The following PPP6R2 variants were observed in gnomAD, a reference collection of about 807,000 sequenced individuals.
PPP6R2 encodes the protein protein phosphatase 6 regulatory subunit 2.
Under a neutral mutation model 100.2 loss-of-function variants are expected in PPP6R2, and 62 were observed. The ratio of observed to expected loss-of-function variants is 0.62; its 90% confidence interval spans 0.50 to 0.76. The LOEUF is 0.76. Among genes scored for constraint, PPP6R2 ranks in the 30% least tolerant of loss-of-function variants. The pLI is 0.00. For missense variants in PPP6R2, 1,142 were observed against 1,276.3 expected, an observed-to-expected ratio of 0.89 and a Z score of 1.60; for synonymous variants, 525 against 514.7, an observed-to-expected ratio of 1.02 and a Z score of -0.27.
At chr22:50,438,529 G>A in intron 18 of PPP6R2, 70 bp from the exon 19 acceptor site, 1 of 1,555,906 alleles carries the variant, frequency 6.4e-7, no homozygotes, top group Non-Finnish European at 8.8e-7. Context: ...CGAGCCTGGG[G>A]CCGCCACTGA....
rs2060948483 is a variant in PPP6R2, at chr22:50,419,093, G to A, written c.731+114G>A. 8 of 893,436 alleles carry A rather than the reference G, an allele frequency of 9.0e-6. No homozygotes were observed. The South Asian group carries it at 1.1e-4, about 12-fold the overall frequency. The allele number at this position is 893,436 out of a possible 1,614,324, so 55.3% of individuals were successfully genotyped here. On this transcript the variant is annotated intron_variant, in intron 7 of 23. Coordinates refer to ENST00000612753, the MANE Select transcript of PPP6R2 (RefSeq NM_001242898.2). Reference sequence around the variant, plus strand: ...TTGCCACCTCCTCTGATTCACATTCGAATGAACCCCAGGTTCAGAGCCCAT... The same window carrying A: ...TTGCCACCTCCTCTGATTCACATTCAAATGAACCCCAGGTTCAGAGCCCAT...
At chr22:50,441,879 C>T (rs1350488031) in intron 22 of PPP6R2, among the ~76,000 whole-genome samples, 1 of 152,150 alleles carries the variant, frequency 6.6e-6, no homozygotes, top group Non-Finnish European at 1.5e-5. Flanking sequence ...GATGCCAGGG[C>T]CAGGTAAACC....
upstream of PPP6R2, among the ~76,000 whole-genome samples, chr22:50,341,006 G>A (rs1007441781): frequency 1.3e-5 from 2 of 152,136 alleles, no homozygotes; most frequent in Admixed American, 1.3e-4. Flanking sequence ...CACCTCCCGG[G>A]TTCAAGTGAT....
At chr22:50,379,696 A>G (rs886208985) in intron 2 of PPP6R2, among the ~76,000 whole-genome samples, 4 of 152,152 alleles carry the variant, frequency 2.6e-5, no homozygotes, top group Admixed American at 6.6e-5. Context: ...CCTGGGCCAC[A>G]TAGGGAGACC....
intron 2 of PPP6R2, among the ~76,000 whole-genome samples, chr22:50,377,504 G>A (rs1301148027): frequency 6.6e-6 from 1 of 152,022 alleles, no homozygotes; most frequent in East Asian, 1.9e-4. Context: ...ACAGTGAAGT[G>A]AAAATCAGTG....
intron 5 of PPP6R2, 24 bp from the exon 6 acceptor site, chr22:50,416,067 TG>T: frequency 6.2e-7 from 1 of 1,602,458 alleles, no homozygotes. Flanking sequence ...GCAGCGACAC[TG>T]AAAGGCCTCT....
At chr22:50,438,462 G>C (rs2064871428) in intron 18 of PPP6R2, 137 bp from the exon 19 acceptor site, 16 of 1,427,140 alleles carry the variant, frequency 1.1e-5, no homozygotes, top group Non-Finnish European at 1.5e-5. Context: ...GCCCAGAGCT[G>C]AGGCCTGGAG....
the PPP6R2 span, among the ~76,000 whole-genome samples, chr22:50,335,678 A>ATTTTTTTTTTTTTTTTTTT: frequency 7.8e-6 from 1 of 128,940 alleles, no homozygotes; most frequent in Non-Finnish European, 1.6e-5. Context: ...CACCCAACTA[A>ATTTTTTTTTTTTTTTTTTT]TTTTTTTTTT....
chr22:50,435,093 A>C lies in PPP6R2; in HGVS notation c.1516+12A>C, dbSNP rs776167527. ...CGAGGTCATCCGAGGTGAGCCCCCAACCCGGTCATCCTTCTGCTGGTCGCG... is the reference window on the plus strand; with the variant it reads ...CGAGGTCATCCGAGGTGAGCCCCCACCCCGGTCATCCTTCTGCTGGTCGCG... On this transcript the variant is annotated intron_variant, in intron 13 of 23. Transcript: ENST00000612753. The C allele has an allele frequency of 5.3e-6, 8 of 1,519,470 alleles. No individual in the cohort carries two copies. The South Asian group carries it at 1.0e-4, about 19-fold the overall frequency. 94.1% of individuals were successfully genotyped at this position (1,519,470 alleles called of 1,614,324 possible).
intron 2 of PPP6R2, among the ~76,000 whole-genome samples, chr22:50,373,601 G>C (rs565914696): frequency 1.3e-5 from 2 of 151,944 alleles, no homozygotes; most frequent in Non-Finnish European, 2.9e-5. Flanking sequence ...ACCCAGGCTG[G>C]AGTGCAGTGG....
At chr22:50,353,705 A>C (rs1052617691) in intron 1 of PPP6R2, among the ~76,000 whole-genome samples, 5 of 152,116 alleles carry the variant, frequency 3.3e-5, no homozygotes, top group Admixed American at 2.6e-4. Context: ...CACGTTAGAC[A>C]AAGTACGCCT....
At chr22:50,349,160 ACTCTAGCCTGGGCG>A (rs1479819751) in intron 1 of PPP6R2, among the ~76,000 whole-genome samples, 2 of 144,858 alleles carry the variant, frequency 1.4e-5, no homozygotes, top group Non-Finnish European at 3.0e-5. Context: ...GTGCCATTGC[ACTCTAGCCTGGGCG>A]ACAAGAGTGA....
chr22:50,352,330 C>A (rs2045480911), intron 1 of PPP6R2, among the ~76,000 whole-genome samples: 1 of 152,206 alleles, frequency 6.6e-6, no homozygotes, highest in Non-Finnish European at 1.5e-5. Context: ...TCCAGTTTTT[C>A]TTCTGCAGCT....
chr22:50,352,749 AAAAC>A (rs931479733), intron 1 of PPP6R2, among the ~76,000 whole-genome samples: 1 of 151,548 alleles, frequency 6.6e-6, no homozygotes, highest in Non-Finnish European at 1.5e-5. Context: ...ACAAAAAAAA[AAAAC>A]ACACAAAACA....
the PPP6R2 span, among the ~76,000 whole-genome samples, chr22:50,337,358 GGTGTGTGTGTGCTGTGTGGGGGGT>G: frequency 7.5e-6 from 1 of 132,900 alleles, no homozygotes; most frequent in Non-Finnish European, 1.6e-5. Flanking sequence ...GTGGTGTGTG[GGTGTGTGTGTGCTGTGTGGGGGGT>G]GTGTGTGTGT....
chr22:50,332,326 C>A, the PPP6R2 span, among the ~76,000 whole-genome samples: 1 of 150,744 alleles, frequency 6.6e-6, no homozygotes, highest in African/African-American at 2.4e-5. Context: ...CTCCCAGGTT[C>A]ACCCCCCCAT....
intron 1 of PPP6R2, among the ~76,000 whole-genome samples, chr22:50,370,608 A>T (rs1421188493): frequency 6.6e-6 from 1 of 151,178 alleles, no homozygotes; most frequent in African/African-American, 2.4e-5. Flanking sequence ...TAAAGAAAAA[A>T]GTTTAAAAGT....
At position 50,393,566 on chromosome 22, in the gene PPP6R2, G is replaced by A. The variant is rs1020354212; in HGVS notation, c.-16-327G>A. 9.2e-6 allele frequency: 9 copies of A among 981,588 alleles called. No homozygotes were observed. The African/African-American group carries it at 1.6e-4, about 17-fold the overall frequency. 60.8% of individuals were successfully genotyped at this position (981,588 alleles called of 1,614,324 possible). A position where few individuals can be genotyped will look rare whatever the true frequency, so the allele number is the denominator to read the frequency against. ...TGTGGGGAAGGAGGGCAAAGGAGGG[G>A]GTTAGCCCAGAGGAGAACCTGGGGA... On this transcript the variant is annotated intron_variant, in intron 2 of 23. Coordinates refer to ENST00000612753, the MANE Select transcript of PPP6R2 (RefSeq NM_001242898.2).
chr22:50,437,399 C>A, intron 15 of PPP6R2, 107 bp from the exon 16 acceptor site: 1 of 776,264 alleles, frequency 1.3e-6, no homozygotes, highest in Non-Finnish European at 2.2e-6. Context: ...GGAGGAGAAG[C>A]TCCCGAACAA....
Sources: allele counts gnomAD v4.1 joint callset (sites outside exome capture counted in the v4.1 genomes callset), GRCh38; gene constraint gnomAD v4.1.1; transcripts MANE v1.5; gene names NCBI Gene and HGNC (gene_info 2026-07-23, HGNC 2026-07-21).